Variants in AFTPH observed in about 807,000 individuals in gnomAD.
AFTPH encodes aftiphilin protein.
Under a neutral mutation model 72.5 loss-of-function variants are expected in AFTPH, and 7 were observed. The observed-to-expected ratio is 0.10, with a 90% CI of 0.05 to 0.18. The LOEUF (loss-of-function observed/expected upper bound fraction) is 0.18, where lower values mean the gene tolerates loss of function less well. AFTPH is among the 10% of genes least tolerant of loss of function. The pLI, the probability that AFTPH is intolerant of heterozygous loss-of-function variation, is 1.00. For missense variants in AFTPH, 979 were observed against 1,060.5 expected (o/e 0.92, Z 1.07); for synonymous variants, 337 against 370.1 (o/e 0.91, Z 1.03).
chr2:64,555,989 C>CTTTTTTTTTTTTTTTTTTTTT lies in AFTPH; in HGVS notation c.1935+2595_1935+2596insTTTTTTTTTTTTTTTTTTTTT, dbSNP rs774669104. Among the ~76,000 whole-genome samples, 28 of 134,090 alleles carry CTTTTTTTTTTTTTTTTTTTTT rather than the reference C, an allele frequency of 2.1e-4. 2 individuals carry two copies. The highest frequency in any genetic ancestry group is 7.7e-4 in the African/African-American group (25 of 32,390). The allele number at this position is 134,090 out of a possible 152,430, so 88.0% of individuals were successfully genotyped here. A position where few individuals can be genotyped will look rare whatever the true frequency, so the allele number is the denominator to read the frequency against. ...TGTTTGGAACAGCACGAATTCCTCA[C>CTTTTTTTTTTTTTTTTTTTTT]TTTTTTTTTTTTTTTGGAGACAGAA... On this transcript the variant is annotated intron_variant, in intron 2 of 8. Coordinates refer to ENST00000238856, the Ensembl canonical transcript of AFTPH.
chr2:64,564,098 C>A (rs1413984794), intron 2 of AFTPH, among the ~76,000 whole-genome samples: 1 of 151,928 alleles, frequency 6.6e-6, no homozygotes, highest in Non-Finnish European at 1.5e-5. Context: ...AAACTAGGTA[C>A]TTTTTTTTCC....
At chr2:64,579,686 G>T in intron 7 of AFTPH, 140 bp downstream of exon 7, 2 of 696,870 alleles carry the variant, frequency 2.9e-6, no homozygotes, top group East Asian at 2.7e-5. Flanking sequence ...CTTTCTTTCT[G>T]AACAGTAATT....
intron 6 of AFTPH, among the ~76,000 whole-genome samples, chr2:64,573,465 C>T (rs915208085): frequency 1.3e-5 from 2 of 148,408 alleles, no homozygotes; most frequent in African/African-American, 5.0e-5. Flanking sequence ...AAAAAGGAAA[C>T]ACTGTATTTA....
chr2:64,529,792 G>A (rs968576914), intron 1 of AFTPH, among the ~76,000 whole-genome samples: 1 of 151,926 alleles, frequency 6.6e-6, no homozygotes, highest in African/African-American at 2.4e-5. Context: ...ACCATGCCTG[G>A]CTAATTGTTT....
chr2:64,550,677 G>GCACGCACACACACA (rs1553398382), intron 1 of AFTPH, among the ~76,000 whole-genome samples: 1 of 130,152 alleles, frequency 7.7e-6, no homozygotes, highest in African/African-American at 2.9e-5. Context: ...CTGTACGCAT[G>GCACGCACACACACA]CACACACACA....
At chr2:64,552,473 G>C (rs771892240) in exon 2 of AFTPH, 1 of 1,614,012 alleles carries the variant, frequency 6.2e-7, no homozygotes, top group Admixed American at 1.7e-5. Context: ...TTCAGTCAAA[G>C]GCTTGGAGTT....
intron 1 of AFTPH, among the ~76,000 whole-genome samples, chr2:64,548,546 A>G (rs564744645): frequency 5.0e-4 from 76 of 152,202 alleles, no homozygotes; most frequent in Non-Finnish European, 9.1e-4. Context: ...GATTTCCTTA[A>G]AAGGAGTTTG....
chr2:64,564,689 A>T (rs1428868221), intron 2 of AFTPH, among the ~76,000 whole-genome samples: 1 of 152,118 alleles, frequency 6.6e-6, no homozygotes, highest in Admixed American at 6.5e-5. Context: ...ATAGCCCTCT[A>T]TTGAAGTGTT....
At chr2:64,582,126 G>A (rs1307154042) in intron 7 of AFTPH, among the ~76,000 whole-genome samples, 1 of 152,228 alleles carries the variant, frequency 6.6e-6, no homozygotes, top group African/African-American at 2.4e-5. Context: ...TTGATCACCA[G>A]ACAGCTGTTG....
intron 5 of AFTPH, among the ~76,000 whole-genome samples, chr2:64,570,392 A>G (rs1023386874): frequency 1.3e-5 from 2 of 152,230 alleles, no homozygotes; most frequent in African/African-American, 4.8e-5. Flanking sequence ...AATTTATACA[A>G]TCCATTATGT....
At chr2:64,530,631 T>C (rs982659035) in intron 1 of AFTPH, among the ~76,000 whole-genome samples, 2 of 152,144 alleles carry the variant, frequency 1.3e-5, no homozygotes, top group Non-Finnish European at 2.9e-5. Flanking sequence ...ACTGTTAATA[T>C]TTTGGTTTTC....
intron 6 of AFTPH, among the ~76,000 whole-genome samples, chr2:64,576,199 CAT>C (rs1291078978): frequency 3.1e-4 from 44 of 143,602 alleles, no homozygotes; most frequent in African/African-American, 9.0e-4. Flanking sequence ...ATATATATAA[CAT>C]ATATATATAT....
intron 1 of AFTPH, among the ~76,000 whole-genome samples, chr2:64,549,605 C>T (rs1315885296): frequency 6.6e-6 from 1 of 151,778 alleles, no homozygotes; most frequent in African/African-American, 2.4e-5. Flanking sequence ...ATAGGTGGTC[C>T]CTTTGCTTGT....
chr2:64,562,932 T>C (rs1318661098), intron 2 of AFTPH, among the ~76,000 whole-genome samples: 2 of 152,178 alleles, frequency 1.3e-5, no homozygotes, highest in Non-Finnish European at 2.9e-5. Flanking sequence ...AATAATAAAG[T>C]ATCTATTTTT....
intron 1 of AFTPH, among the ~76,000 whole-genome samples, chr2:64,546,517 A>G (rs144151313): frequency 8.5e-5 from 13 of 152,306 alleles, no homozygotes; most frequent in African/African-American, 2.9e-4. Context: ...TAAGTAACAC[A>G]TTTATTCTAA....
At chr2:64,566,971 C>T (rs1672124381) in intron 2 of AFTPH, among the ~76,000 whole-genome samples, 1 of 152,048 alleles carries the variant, frequency 6.6e-6, no homozygotes, top group Non-Finnish European at 1.5e-5. Context: ...AATTTTTTAT[C>T]AGTAAAAATT....
At position 64,547,399 on chromosome 2, in the gene AFTPH, TC is replaced by T. The variant is rs1421870195; in HGVS notation, c.-32-4042del. Among the ~76,000 whole-genome samples, 7 of 152,324 alleles carry T rather than the reference TC, an allele frequency of 4.6e-5. No homozygotes were observed. The East Asian group carries it at 1.3e-3, about 29-fold the overall frequency. ...TTTTGACAGGATATCCCAGAAGTGA[TC>T]CTGTATTCTCATTGCATCTCATCAG... On this transcript the variant is annotated intron_variant, in intron 1 of 8. Transcript: ENST00000238856.
intron 1 of AFTPH, among the ~76,000 whole-genome samples, chr2:64,544,124 GGCTTCAGTTT>G (rs1670417780): frequency 6.6e-6 from 1 of 152,044 alleles, no homozygotes; most frequent in Non-Finnish European, 1.5e-5. Context: ...CCTGAAAGTC[GGCTTCAGTTT>G]GCACTTCTAT....
In AFTPH at chr2:64,589,949, G is replaced by A. The variant is rs746642441; in HGVS notation, c.2580-1936G>A. ...TTCCTATGCAAATACATATATGGGGGGGGGGGGGGGGTTTCCACCAAAAAT... is the reference window on the plus strand; with the variant it reads ...TTCCTATGCAAATACATATATGGGGAGGGGGGGGGGGTTTCCACCAAAAAT... On this transcript the variant is annotated intron_variant, in intron 8 of 8. Coordinates refer to ENST00000238856, the Ensembl canonical transcript of AFTPH. Among the ~76,000 whole-genome samples, 5 of 24,938 alleles carry A rather than the reference G, an allele frequency of 2.0e-4. No individual in the cohort carries two copies. The East Asian group carries it at 3.3e-3, about 16-fold the overall frequency. 16.4% of individuals were successfully genotyped at this position (24,938 alleles called of 152,430 possible).
Sources: gnomAD v4.1 joint callset for allele counts (sites outside exome capture counted in the v4.1 genomes callset) on GRCh38, gnomAD v4.1.1 for gene constraint, MANE v1.5 for transcripts, NCBI Gene and HGNC (gene_info 2026-07-23, HGNC 2026-07-21) for gene names.